DPYD: variants seen among roughly 807,000 people sequenced by gnomAD.
DPYD encodes the protein dihydropyrimidine dehydrogenase, also known as dihydropyrimidine dehydrogenase [NADP(+)].
A neutral mutation model predicts 116.2 loss-of-function variants in DPYD; 109 were observed. That is an observed-to-expected ratio of 0.94 (90% CI 0.80 to 1.10). The LOEUF is 1.10. Among genes scored for constraint, DPYD ranks in the 50% least tolerant of loss-of-function variants. The pLI is 0.00. For synonymous variants in DPYD, 440 were observed against 432.0 expected, an observed-to-expected ratio of 1.02 and a Z score of -0.23; for missense variants, 1,302 against 1,254.5, an observed-to-expected ratio of 1.04 and a Z score of -0.57.
At chr1:97,555,467 C>T (rs1651624833) in intron 11 of DPYD, among the ~76,000 whole-genome samples, 1 of 152,108 alleles carries the variant, frequency 6.6e-6, no homozygotes, top group Non-Finnish European at 1.5e-5. Context: ...ACTCAGTTCA[C>T]AAGCTTCCCC....
chr1:97,098,424 T>G (rs1650422582), intron 21 of DPYD, 65 bp downstream of exon 21: 2 of 1,555,684 alleles, frequency 1.3e-6, no homozygotes, highest in East Asian at 2.3e-5. Context: ...AAATAAACAT[T>G]TTAACTATAT....
intron 2 of DPYD, among the ~76,000 whole-genome samples, chr1:97,844,787 C>T (rs1670210329): frequency 1.3e-5 from 2 of 152,178 alleles, no homozygotes; most frequent in Non-Finnish European, 2.9e-5. Flanking sequence ...CCTGGGCAAC[C>T]CTGCCTTCTC....
intron 5 of DPYD, among the ~76,000 whole-genome samples, chr1:97,706,133 A>C (rs1278379007): frequency 6.6e-6 from 1 of 152,054 alleles, no homozygotes. Context: ...GTTATATTTT[A>C]ATATATTAAA....
chr1:97,618,203 C>T (rs927685796), intron 8 of DPYD, among the ~76,000 whole-genome samples: 3 of 152,050 alleles, frequency 2.0e-5, no homozygotes, highest in Non-Finnish European at 4.4e-5. Context: ...CTCAGACTCT[C>T]CATGGCAAGG....
chr1:97,450,562 A>G (rs993740780), intron 13 of DPYD, among the ~76,000 whole-genome samples: 2 of 152,032 alleles, frequency 1.3e-5, no homozygotes, highest in Admixed American at 1.3e-4. Flanking sequence ...AAAATGCAAA[A>G]GTTTATCATT....
rs189126532 is a variant in DPYD, at chr1:97,385,778, C to A, written c.1906-3317G>T. On this transcript the variant is annotated intron_variant, in intron 14 of 22. Coordinates refer to ENST00000370192, the MANE Select transcript of DPYD (RefSeq NM_000110.4). Reference sequence around the variant, plus strand: ...ACCACAGAAATCCACAGCAGGGAAGCAAGGTTTAGCAGCCTTGACAGTAGG... The same window carrying A: ...ACCACAGAAATCCACAGCAGGGAAGAAAGGTTTAGCAGCCTTGACAGTAGG... 2.6e-3 allele frequency among the ~76,000 whole-genome samples: 395 copies of A among 152,240 alleles called. 1 individual carries two copies. The highest frequency in any genetic ancestry group is 9.1e-3 in the African/African-American group (377 of 41,550).
intron 3 of DPYD, among the ~76,000 whole-genome samples, chr1:97,782,058 T>C (rs1426365932): frequency 1.3e-5 from 2 of 152,174 alleles, no homozygotes; most frequent in Non-Finnish European, 2.9e-5. Flanking sequence ...AGTGCAACAC[T>C]GGAAGGTATT....
chr1:97,437,624 T>C (rs1675542273), intron 14 of DPYD, among the ~76,000 whole-genome samples: 1 of 151,956 alleles, frequency 6.6e-6, no homozygotes, highest in Admixed American at 6.6e-5. Context: ...ATTTCTAAAA[T>C]AAACCCACCA....
chr1:97,186,722 G>A (rs917041500), intron 20 of DPYD, among the ~76,000 whole-genome samples: 25 of 152,204 alleles, frequency 1.6e-4, no homozygotes, highest in African/African-American at 5.5e-4. Context: ...GGTGGCAGAC[G>A]CCTGTAATCC....
At position 97,593,351 on chromosome 1, in the gene DPYD, C is replaced by T. The variant is rs747633945; in HGVS notation, c.995G>A (p.Arg332Gln). ...AGCTCCAAGTACAATCACGACTCCC[C>T]GTATCGATGGCAATGGAGAGTGACA... is the stretch of plus-strand genomic sequence containing the variant. ...CACHSPLPSI[R>Q]GVVIVLGAGD... Residue 332 changes from arginine to glutamine, a missense_variant, in exon 10 of 23, where the codon CGG (arginine) becomes CAG (glutamine). Arg to Gln is a conservative substitution (Grantham distance 43). Transcript: ENST00000370192. 28 of 1,614,072 alleles carry T rather than the reference C, an allele frequency of 1.7e-5. No individual in the cohort carries two copies. Among genetic ancestry groups the T allele is most frequent in the Admixed American group, 3.3e-5 (2 of 60,016 alleles).
chr1:97,323,698 A>T (rs1475414490), intron 16 of DPYD, among the ~76,000 whole-genome samples: 1 of 145,550 alleles, frequency 6.9e-6, no homozygotes, highest in Non-Finnish European at 1.5e-5. Flanking sequence ...GTGTATATAT[A>T]CACGTATATA....
intron 14 of DPYD, among the ~76,000 whole-genome samples, chr1:97,395,471 G>A (rs1672959302): frequency 6.6e-6 from 1 of 151,924 alleles, no homozygotes; most frequent in African/African-American, 2.4e-5. Flanking sequence ...TTAATCAATA[G>A]CAAAGGCAGG....
intron 2 of DPYD, among the ~76,000 whole-genome samples, chr1:97,844,827 G>A (rs945421290): frequency 6.6e-6 from 1 of 152,174 alleles, no homozygotes; most frequent in Non-Finnish European, 1.5e-5. Flanking sequence ...CACTGCCCCT[G>A]CAGTCTCAGA....
chr1:97,659,798 C>T (rs1409842929), intron 8 of DPYD, among the ~76,000 whole-genome samples: 2 of 152,106 alleles, frequency 1.3e-5, no homozygotes, highest in Admixed American at 1.3e-4. Flanking sequence ...GTCATACATA[C>T]ATTTTCTTGC....
chr1:97,396,870 A>G (rs1180406001), intron 14 of DPYD, among the ~76,000 whole-genome samples: 2 of 151,952 alleles, frequency 1.3e-5, no homozygotes, highest in Non-Finnish European at 2.9e-5. Flanking sequence ...ATCATCCTCA[A>G]TGATCTCAGA....
At chr1:97,502,657 C>G (rs1679647632) in intron 13 of DPYD, among the ~76,000 whole-genome samples, 1 of 151,920 alleles carries the variant, frequency 6.6e-6, no homozygotes, top group Admixed American at 6.6e-5. Context: ...AGCTGGTATA[C>G]TATTCTGTGA....
At chr1:97,310,138 C>G (rs1667415117) in intron 16 of DPYD, among the ~76,000 whole-genome samples, 1 of 151,804 alleles carries the variant, frequency 6.6e-6, no homozygotes, top group Admixed American at 6.6e-5. Flanking sequence ...AAATGGCTTT[C>G]TTAGAATCTG....
intron 8 of DPYD, among the ~76,000 whole-genome samples, chr1:97,623,859 G>A (rs987218593): frequency 6.6e-6 from 1 of 151,894 alleles, no homozygotes; most frequent in African/African-American, 2.4e-5. Flanking sequence ...TTTTGACAAA[G>A]GTGCCAAGAA....
chr1:97,499,303 A>T (rs1321401987), intron 13 of DPYD, among the ~76,000 whole-genome samples: 1 of 151,824 alleles, frequency 6.6e-6, no homozygotes, highest in Admixed American at 6.6e-5. Context: ...TTTGTAACCT[A>T]TGCTTCAAAT....
Sources: gnomAD v4.1 joint callset for allele counts (sites outside exome capture counted in the v4.1 genomes callset) on GRCh38, gnomAD v4.1.1 for gene constraint, MANE v1.5 for transcripts, NCBI Gene and HGNC (gene_info 2026-07-23, HGNC 2026-07-21) for gene names.